Variants in CCL25 observed in about 807,000 individuals in gnomAD.
The protein encoded by CCL25 is C-C motif chemokine 25.
A neutral mutation model predicts 19.9 loss-of-function variants in CCL25; 14 were observed. The observed-to-expected ratio is 0.70, with a 90% CI of 0.47 to 1.10. CCL25 has a LOEUF of 1.10. CCL25 is among the 50% of genes least tolerant of loss of function. The pLI is 0.00. For synonymous variants in CCL25, 68 were observed against 73.2 expected, an observed-to-expected ratio of 0.93 and a Z score of 0.36; for missense variants, 151 against 181.2, an observed-to-expected ratio of 0.83 and a Z score of 0.96.
rs571084205 is a variant in CCL25 at position 8,053,541 on chromosome 19, T to C, written c.73+419T>C. On this transcript the variant is annotated intron_variant, in intron 2 of 5. Coordinates refer to ENST00000315626, the MANE Select transcript of CCL25 (RefSeq NM_005624.4). ...AGTCCAGCTGAGAGTTAGTTGCTCC[T>C]AAACCATTTTTTTTTTTTTTTTTTT... 3.4e-5 allele frequency among the ~76,000 whole-genome samples: 5 copies of C among 145,304 alleles called. No homozygotes were observed. In the East Asian group the frequency reaches 1.0e-3, roughly 29 times the overall value.
rs936378249 is a variant in CCL25, at chr19:8,054,009, A to G, written c.73+887A>G. On this transcript the variant is annotated intron_variant, in intron 2 of 5. Coordinates refer to ENST00000315626, the MANE Select transcript of CCL25 (RefSeq NM_005624.4). ...GTAACTGTTCCTGTTATTAATAGGG[A>G]ACTCTTTCCTTCTTCCCCACTCCCT... Among the ~76,000 whole-genome samples the G allele has an allele frequency of 1.2e-4, 18 of 152,108 alleles. 1 individual carries two copies.
intron 5 of CCL25, 59 bp from the exon 6 acceptor site, chr19:8,062,159 T>C: frequency 1.9e-6 from 3 of 1,571,464 alleles, no homozygotes; most frequent in Non-Finnish European, 2.6e-6. Context: ...CAAATGCATA[T>C]AGTTACTATT....
chr19:8,058,014 C>A, intron 5 of CCL25, 94 bp downstream of exon 5: 1 of 1,518,894 alleles, frequency 6.6e-7, no homozygotes, highest in Non-Finnish European at 8.8e-7. Flanking sequence ...AGGAGATTCA[C>A]CTCCAGGACC....
At position 8,053,078 on chromosome 19, in the gene CCL25, T is replaced by A; in HGVS notation, c.29T>A (p.Val10Glu). Residue 10 changes from valine to glutamate, a missense_variant, in exon 2 of 6, where the codon GTG becomes GAG. Coordinates refer to ENST00000315626, the MANE Select transcript of CCL25 (RefSeq NM_005624.4). MNLWLLACL[V>E]AGFLGAWAPA... ...AACCTGTGGCTCCTGGCCTGCCTGGTGGCCGGCTTCCTGGGAGCCTGGGCC... is the reference window on the plus strand; with the variant it reads ...AACCTGTGGCTCCTGGCCTGCCTGGAGGCCGGCTTCCTGGGAGCCTGGGCC... 6.4e-7 allele frequency: 1 copy of A among 1,555,698 alleles called. No homozygotes were observed. The highest frequency in any genetic ancestry group is 2.4e-5 in the East Asian group (1 of 41,440).
rs781238816 is a variant in CCL25 at position 8,062,245 on chromosome 19, C to A, written c.*20C>A. 1.8e-5 allele frequency: 29 copies of A among 1,612,678 alleles called. 2 individuals are homozygous for A. In the South Asian group the frequency reaches 3.0e-4, roughly 16 times the overall value. On this transcript the variant is annotated 3_prime_UTR_variant, in exon 6 of 6. Coordinates refer to ENST00000315626, the MANE Select transcript of CCL25 (RefSeq NM_005624.4). ...CTGTGAGCCGGCTCATTTCTGGGCT[C>A]CATCGGCACAGGAGGGGCCGGATCT...
At chr19:8,052,917 C>A in intron 1 of CCL25, 83 bp from the exon 2 acceptor site, 1 of 569,878 alleles carries the variant, frequency 1.8e-6, no homozygotes, top group Non-Finnish European at 3.1e-6. Context: ...TTGCCATATG[C>A]CTGGGGCTTA....
chr19:8,059,082 ATAAT>A (rs1317863481), intron 5 of CCL25, among the ~76,000 whole-genome samples: 7 of 59,344 alleles, frequency 1.2e-4, no homozygotes, highest in East Asian at 5.4e-4. Flanking sequence ...TATAATATAT[ATAAT>A]ATATATAATG....
At position 8,062,316 on chromosome 19, in the gene CCL25, C is replaced by A. The variant is rs2081324066; in HGVS notation, c.*91C>A. 1.4e-6 allele frequency: 2 copies of A among 1,443,412 alleles called. No individual in the cohort carries two copies. Among genetic ancestry groups the A allele is most frequent in the East Asian group, 4.6e-5 (2 of 43,842 alleles). 89.4% of individuals were successfully genotyped at this position (1,443,412 alleles called of 1,614,324 possible). ...CCTACAGACCCAGCTGTCCCCACGC[C>A]TCTGTCTTTTGGGTCAAGTCTTAAT... On this transcript the variant is annotated 3_prime_UTR_variant, in exon 6 of 6. Transcript: ENST00000315626.
chr19:8,054,399 C>T (rs1333752294), intron 2 of CCL25, among the ~76,000 whole-genome samples: 8 of 152,226 alleles, frequency 5.3e-5, no homozygotes, highest in Non-Finnish European at 1.2e-4. Context: ...CAACAGAATG[C>T]GCTGCCCCTT....
Position 8,052,812 on chromosome 19 carries a change from A to C in CCL25, c.-61A>C. Reference sequence around the variant, plus strand: ...CGGCGGGCATCAGCTCCCTTGACCCAGTGGATATCGGTGAGTCTTTTCCTT... The same window carrying C: ...CGGCGGGCATCAGCTCCCTTGACCCCGTGGATATCGGTGAGTCTTTTCCTT... On this transcript the variant is annotated 5_prime_UTR_variant, in exon 1 of 6. Transcript: ENST00000315626. 2 of 484,204 alleles carry C rather than the reference A, an allele frequency of 4.1e-6. No homozygotes were observed. Among genetic ancestry groups the C allele is most frequent in the Non-Finnish European group, 7.3e-6 (2 of 272,352 alleles). 30.0% of individuals were successfully genotyped at this position (484,204 alleles called of 1,614,324 possible). A position where few individuals can be genotyped will look rare whatever the true frequency, so the allele number is the denominator to read the frequency against.
intron 2 of CCL25, among the ~76,000 whole-genome samples, chr19:8,054,279 G>A (rs1178273044): frequency 1.3e-5 from 2 of 152,246 alleles, no homozygotes; most frequent in East Asian, 1.9e-4. Context: ...CTGGGAAGGG[G>A]GTTGGGCTGT....
intron 4 of CCL25, 63 bp downstream of exon 4, chr19:8,056,562 G>A (rs1052850045): frequency 1.2e-4 from 195 of 1,587,800 alleles, no homozygotes; most frequent in Non-Finnish European, 1.6e-4. Context: ...GCCCATGTGT[G>A]GTTCAGACCC....
At chr19:8,060,838 G>A (rs1405505772) in intron 5 of CCL25, among the ~76,000 whole-genome samples, 2 of 151,626 alleles carry the variant, frequency 1.3e-5, no homozygotes, top group Admixed American at 6.6e-5. Flanking sequence ...CCGCCACCAC[G>A]CCTGGCTAAT....
chr19:8,059,153 T>TATATATAAATATATAATATATA (rs2081300296), intron 5 of CCL25, among the ~76,000 whole-genome samples: 3 of 77,784 alleles, frequency 3.9e-5, no homozygotes, highest in African/African-American at 1.4e-4. Context: ...TAATATATAA[T>TATATATAAATATATAATATATA]ATATATAATA....
chr19:8,053,204 G>A (rs1457003371), intron 2 of CCL25, 82 bp downstream of exon 2: 21 of 849,346 alleles, frequency 2.5e-5, no homozygotes, highest in South Asian at 9.4e-5. Context: ...TATCTCCTCC[G>A]GAAGTCTCCC....
At chr19:8,062,188 T>C (rs767262024) in intron 5 of CCL25, 30 bp from the exon 6 acceptor site, 1 of 1,612,238 alleles carries the variant, frequency 6.2e-7, no homozygotes, top group South Asian at 1.1e-5. Context: ...GCCGTCAATT[T>C]TACTTCGGCC....
At chr19:8,054,406 C>T (rs1349324166) in intron 2 of CCL25, among the ~76,000 whole-genome samples, 1 of 152,194 alleles carries the variant, frequency 6.6e-6, no homozygotes, top group Non-Finnish European at 1.5e-5. Context: ...ATGCGCTGCC[C>T]CTTGCCCTCA....
rs752280144 is a variant in CCL25 at position 8,056,345 on chromosome 19, A to AC, written c.192-15dup. The stretch of plus-strand genomic sequence containing the variant: ...TGCCAGCCTACACCCTAACCTGGGC[A>AC]CCCCCCTCTGCTCACCACAGATTCT... On this transcript the variant is annotated intron_variant, in intron 3 of 5. Coordinates refer to ENST00000315626, the MANE Select transcript of CCL25 (RefSeq NM_005624.4). 10 of 1,611,636 alleles carry AC rather than the reference A, an allele frequency of 6.2e-6. 1 individual carries two copies. The highest frequency in any genetic ancestry group is 8.5e-6 in the Non-Finnish European group (10 of 1,179,124).
chr19:8,061,496 C>G (rs1007784093), intron 5 of CCL25, among the ~76,000 whole-genome samples: 1 of 152,152 alleles, frequency 6.6e-6, no homozygotes, highest in Non-Finnish European at 1.5e-5. Flanking sequence ...GGATGATTAA[C>G]TCCATTGCCA....
Sources: gnomAD v4.1 joint callset for allele counts (sites outside exome capture counted in the v4.1 genomes callset) on GRCh38, gnomAD v4.1.1 for gene constraint, MANE v1.5 for transcripts, NCBI Gene and HGNC (gene_info 2026-07-23, HGNC 2026-07-21) for gene names.